DMRT1: variants seen among roughly 807,000 people sequenced by gnomAD.
DMRT1 encodes the protein doublesex and mab-3 related transcription factor 1, also known as doublesex- and mab-3-related transcription factor 1.
DMRT1 carries 7 observed loss-of-function variants against 32.3 expected under a neutral mutation model. That is an observed-to-expected ratio of 0.22 (90% confidence interval 0.12 to 0.41). The LOEUF is 0.41. DMRT1 is among the 10% of genes least tolerant of loss of function. The pLI, the probability that DMRT1 is intolerant of heterozygous loss-of-function variation, is 1.00. For synonymous variants in DMRT1, 278 were observed against 206.1 expected (o/e 1.35, Z -2.99); for missense variants, 625 against 500.5 (o/e 1.25, Z -2.37).
At chr9:845,367 C>A (rs1838862889) in intron 1 of DMRT1, among the ~76,000 whole-genome samples, 1 of 151,932 alleles carries the variant, frequency 6.6e-6, no homozygotes, top group Non-Finnish European at 1.5e-5. Context: ...ACCACCATGC[C>A]TGGCTAGTTT....
intron 4 of DMRT1, among the ~76,000 whole-genome samples, chr9:925,596 T>C (rs1186281769): frequency 1.3e-5 from 2 of 152,208 alleles, no homozygotes; most frequent in African/African-American, 4.8e-5. Flanking sequence ...CTCAGATCCC[T>C]GAATTACTTT....
At chr9:872,943 T>C (rs555624266) in intron 2 of DMRT1, among the ~76,000 whole-genome samples, 1 of 152,306 alleles carries the variant, frequency 6.6e-6, no homozygotes, top group Admixed American at 6.5e-5. Flanking sequence ...GATTGGACGA[T>C]GTCCCCCCAC....
chr9:866,011 A>G (rs1215722052), intron 2 of DMRT1, among the ~76,000 whole-genome samples: 1 of 151,854 alleles, frequency 6.6e-6, no homozygotes, highest in African/African-American at 2.4e-5. Context: ...TAAAAATACA[A>G]AAATTAGCTG....
chr9:895,647 A>G (rs73374775), intron 3 of DMRT1, among the ~76,000 whole-genome samples: 6,174 of 152,296 alleles, frequency 0.041, 178 homozygotes, highest in African/African-American at 0.085. Context: ...TAACAAACAC[A>G]TTAATCACCT....
chr9:960,621 G>A (rs142873896), intron 4 of DMRT1, among the ~76,000 whole-genome samples: 91 of 152,316 alleles, frequency 6.0e-4, no homozygotes, highest in Non-Finnish European at 1.1e-3. Flanking sequence ...GGATGGCAGA[G>A]CTCCTGGTCT....
At chr9:880,126 AG>A (rs1327056965) in intron 2 of DMRT1, among the ~76,000 whole-genome samples, 1 of 152,168 alleles carries the variant, frequency 6.6e-6, no homozygotes, top group Non-Finnish European at 1.5e-5. Flanking sequence ...TCTGAGTTTC[AG>A]TAATTGTAGT....
At chr9:894,321 CACAG>C (rs1457789488) in intron 3 of DMRT1, 126 bp downstream of exon 3, 38 of 958,740 alleles carry the variant, frequency 4.0e-5, no homozygotes, top group Admixed American at 3.0e-4. Context: ...AGGTGACACA[CACAG>C]GTACACACAC....
intron 2 of DMRT1, among the ~76,000 whole-genome samples, chr9:863,310 C>G (rs1199799478): frequency 8.2e-6 from 1 of 122,454 alleles, no homozygotes. Flanking sequence ...AGAGTGAGGC[C>G]ACGTCTCTTA....
intron 3 of DMRT1, among the ~76,000 whole-genome samples, chr9:916,275 T>C (rs574188333): frequency 2.0e-5 from 3 of 152,216 alleles, no homozygotes; most frequent in South Asian, 2.1e-4. Context: ...GACCTTAAGA[T>C]AGAAAGGGCA....
intron 2 of DMRT1, among the ~76,000 whole-genome samples, chr9:861,904 G>A (rs1480194115): frequency 1.3e-4 from 19 of 150,460 alleles, no homozygotes; most frequent in African/African-American, 4.1e-4. Context: ...ATCCCAGATG[G>A]GGCGGCGGGG....
At chr9:949,190 A>C (rs1016398580) in intron 4 of DMRT1, among the ~76,000 whole-genome samples, 4 of 152,004 alleles carry the variant, frequency 2.6e-5, no homozygotes, top group African/African-American at 7.3e-5. Context: ...CTGGGCAACA[A>C]AGCCTTTCTC....
At chr9:856,115 C>T (rs1815388818) in intron 2 of DMRT1, among the ~76,000 whole-genome samples, 1 of 152,054 alleles carries the variant, frequency 6.6e-6, no homozygotes, top group South Asian at 2.1e-4. Flanking sequence ...CGAGGTTTCA[C>T]CATGTTGGCC....
intron 2 of DMRT1, among the ~76,000 whole-genome samples, chr9:869,916 A>T (rs999809886): frequency 6.6e-6 from 1 of 152,134 alleles, no homozygotes; most frequent in Admixed American, 6.6e-5. Context: ...TGGGCGTCCT[A>T]GTTACAGACT....
intron 2 of DMRT1, 37 bp from the exon 3 acceptor site, chr9:893,875 A>G (rs756806585): frequency 6.3e-7 from 1 of 1,596,346 alleles, no homozygotes; most frequent in Non-Finnish European, 8.6e-7. Flanking sequence ...ACTAACATTA[A>G]TACCATGTTG....
At chr9:906,325 G>T (rs1408102179) in intron 3 of DMRT1, among the ~76,000 whole-genome samples, 1 of 152,188 alleles carries the variant, frequency 6.6e-6, no homozygotes, top group East Asian at 1.9e-4. Context: ...CTCCCGGCAG[G>T]CTCTCATGTT....
chr9:935,279 C>T (rs963366430), intron 4 of DMRT1, among the ~76,000 whole-genome samples: 4 of 152,160 alleles, frequency 2.6e-5, no homozygotes, highest in Admixed American at 1.3e-4. Flanking sequence ...CCTAAAGAAA[C>T]GGACTATCAG....
chr9:850,652 G>A (rs189189733), intron 2 of DMRT1, among the ~76,000 whole-genome samples: 3 of 152,308 alleles, frequency 2.0e-5, no homozygotes, highest in African/African-American at 7.2e-5. Flanking sequence ...TATAGTGGAA[G>A]TATGTTGTTC....
intron 3 of DMRT1, among the ~76,000 whole-genome samples, chr9:903,920 C>T (rs77812811): frequency 0.015 from 2,310 of 152,234 alleles, 58 homozygotes; most frequent in African/African-American, 0.052. Flanking sequence ...CAGCAACCTT[C>T]GGAAGACTTG....
intron 4 of DMRT1, among the ~76,000 whole-genome samples, chr9:935,885 C>A (rs1284578481): frequency 6.6e-6 from 1 of 152,230 alleles, no homozygotes; most frequent in Non-Finnish European, 1.5e-5. Flanking sequence ...AATAGCACTT[C>A]ACTGCTGTGA....
Sources: allele counts gnomAD v4.1 joint callset (sites outside exome capture counted in the v4.1 genomes callset), GRCh38; gene constraint gnomAD v4.1.1; transcripts MANE v1.5; gene names NCBI Gene and HGNC (gene_info 2026-07-23, HGNC 2026-07-21).